The following CLDN2 variants were observed in gnomAD, a reference collection of about 807,000 sequenced individuals.
The protein encoded by CLDN2 is claudin 2, also known as claudin-2.
In CLDN2, 1 loss-of-function variant was observed where a neutral mutation model predicts 8.2. That is an observed-to-expected ratio of 0.12 (90% CI 0.04 to 0.58). The LOEUF (loss-of-function observed/expected upper bound fraction) is 0.58, where lower values mean the gene tolerates loss of function less well. CLDN2 is among the 20% of genes least tolerant of loss of function. The pLI, the probability that CLDN2 is intolerant of heterozygous loss-of-function variation, is 0.90. For synonymous variants in CLDN2, 70 were observed against 70.2 expected (o/e 1.00, Z 0.01); for missense variants, 108 against 172.9 (o/e 0.62, Z 2.11).
chrX:106,926,891 T>TCA (rs36178406), intron 1 of CLDN2, among the ~76,000 whole-genome samples: 159 of 10,276 alleles, frequency 0.015, 36 homozygotes, highest in African/African-American at 0.085. Flanking sequence ...GGCAGGAGGA[T>TCA]CACACACACA....
At chrX:106,927,038 A>G (rs1169258660) in intron 1 of CLDN2, among the ~76,000 whole-genome samples, 1 of 111,459 alleles carries the variant, frequency 9.0e-6, no homozygotes, top group Admixed American at 9.5e-5. Context: ...AGCCGAGATC[A>G]TGCCACTGCA....
intron 1 of CLDN2, chrX:106,902,078 A>T: frequency 1.0e-6 from 1 of 983,004 alleles, no homozygotes; most frequent in Admixed American, 2.6e-5. Context: ...CTGGGAAGTG[A>T]CCTGGTCACT....
At chrX:106,917,785 CT>C (rs1933332306), upstream of CLDN2, among the ~76,000 whole-genome samples, 1 of 111,258 alleles carries the variant, frequency 9.0e-6, no homozygotes, top group Non-Finnish European at 1.9e-5. Flanking sequence ...ACTCACTTGT[CT>C]CCTGAACTAA....
At position 106,903,119 on chromosome X, in the gene CLDN2, T is replaced by C. The variant is rs5962774; in HGVS notation, c.-179+2615T>C. 41,756 of 1,208,840 alleles carry C rather than the reference T, an allele frequency of 0.035. 8,856 individuals carry two copies. In the African/African-American group the frequency reaches 0.64, roughly 18 times the overall value. ...AGCCTAAGTTCAGGTTGCCAAAGGC[T>C]AAGCTCAACTTACCTTTCACTCCCA... On this transcript the variant is annotated intron_variant, in intron 1 of 1. Coordinates refer to the CLDN2 transcript ENST00000541806.
Position 106,928,566 on chromosome X carries a change from C to A in CLDN2, c.338C>A (p.Ala113Asp), listed in dbSNP as rs770621723. The A allele has an allele frequency of 8.3e-7, 1 of 1,211,657 alleles. No individual in the cohort carries two copies. The highest frequency in any genetic ancestry group is 1.1e-6 in the Non-Finnish European group (1 of 895,382). ...ACAGTCTTCTGCCAGGAATCCCGAG[C>A]CAAAGACAGAGTGGCGGTAGCAGGT... ...RCTVFCQESR[A>D]KDRVAVAGGV... Residue 113 changes from alanine (A) to aspartate (D), a missense_variant, in exon 2 of 2, where the codon GCC becomes GAC. Coordinates refer to ENST00000336803, the MANE Select transcript of CLDN2 (RefSeq NM_020384.4).
chrX:106,928,337 G>A lies in CLDN2; in HGVS notation c.109G>A (p.Gly37Ser), dbSNP rs766238256. 1.7e-6 allele frequency: 2 copies of A among 1,211,708 alleles called. No individual in the cohort carries two copies. Among genetic ancestry groups the A allele is most frequent in the Non-Finnish European group, 2.2e-6 (2 of 895,318 alleles). ...LPSWKTSSYV[G>S]ASIVTAVGFS... is the part of the protein sequence containing the mutation. ...CAGCTGGAAAACAAGTTCTTATGTCGGTGCCAGCATTGTGACAGCAGTTGG... is the reference window on the plus strand; with the variant it reads ...CAGCTGGAAAACAAGTTCTTATGTCAGTGCCAGCATTGTGACAGCAGTTGG... The change falls in exon 2 of 2, where the codon GGT becomes AGT. Residue 37 changes from glycine to serine, a missense_variant. By Grantham distance (56) the Gly-to-Ser change is moderately conservative (BLOSUM62 0). Around this residue, in one of 2 missense-constraint regions of CLDN2, gnomAD observed 27 missense variants for 72.2 expected, o/e 0.37. Transcript: ENST00000336803.
At chrX:106,900,571 C>A in intron 1 of CLDN2, 1 of 865,040 alleles carries the variant, frequency 1.2e-6, no homozygotes, top group East Asian at 3.6e-5. Flanking sequence ...ATCTGCTGGA[C>A]TAATACTTCC....
chrX:106,921,878 G>A (rs1045933199), intron 1 of CLDN2, among the ~76,000 whole-genome samples: 9 of 112,251 alleles, frequency 8.0e-5, no homozygotes, highest in African/African-American at 9.7e-5. Context: ...TACCTCCAAC[G>A]CAGCCAGTAC....
At chrX:106,916,103 A>G (rs959448599), upstream of CLDN2, among the ~76,000 whole-genome samples, 2 of 110,592 alleles carry the variant, frequency 1.8e-5, no homozygotes, top group Non-Finnish European at 3.8e-5. Context: ...CCCTTCAGGC[A>G]TTCACAGTCC....
At chrX:106,916,676 T>C (rs775780992), upstream of CLDN2, among the ~76,000 whole-genome samples, 1 of 110,912 alleles carries the variant, frequency 9.0e-6, no homozygotes, top group East Asian at 2.8e-4. Context: ...AACTCTGAGG[T>C]TTCTGGCTTA....
chrX:106,910,878 C>T (rs1394742844), intron 1 of CLDN2, among the ~76,000 whole-genome samples: 1 of 111,836 alleles, frequency 8.9e-6, no homozygotes. Flanking sequence ...GTGGAAAAAG[C>T]TTGGGCGCTA....
At position 106,908,574 on chromosome X, in the gene CLDN2, T is replaced by C. The variant is rs1248766448; in HGVS notation, c.-179+8070T>C. Among the ~76,000 whole-genome samples, 17 of 108,349 alleles carry C rather than the reference T, an allele frequency of 1.6e-4. 1 individual carries two copies. The highest frequency in any genetic ancestry group is 5.7e-4 in the African/African-American group (17 of 29,851). The allele number at this position is 108,349 out of a possible 115,157, so 94.1% of individuals were successfully genotyped here. ...TTTTCTTTCTTTTCTTTTCTTTTTT[T>C]TTTTTTTTGTTGTTGTTTTTTTTGT... is the stretch of plus-strand genomic sequence containing the variant. On this transcript the variant is annotated intron_variant, in intron 1 of 1. Transcript: ENST00000541806.
At chrX:106,919,817 G>A (rs1334947325), upstream of CLDN2, among the ~76,000 whole-genome samples, 2 of 112,675 alleles carry the variant, frequency 1.8e-5, no homozygotes, top group African/African-American at 3.2e-5. Flanking sequence ...AAATGACATA[G>A]TGCATGGCAC....
At chrX:106,919,824 GCACTGC>G (rs1321275440), upstream of CLDN2, among the ~76,000 whole-genome samples, 1 of 112,575 alleles carries the variant, frequency 8.9e-6, no homozygotes, top group Non-Finnish European at 1.9e-5. Flanking sequence ...ATAGTGCATG[GCACTGC>G]CATGTGTGGT....
chrX:106,917,619 T>C (rs1933329071), upstream of CLDN2, among the ~76,000 whole-genome samples: 1 of 110,998 alleles, frequency 9.0e-6, no homozygotes, highest in Non-Finnish European at 1.9e-5. Flanking sequence ...ACTCCTCTTT[T>C]CATAGCATCA....
chrX:106,900,369 G>A (rs772015984), exon 1 of CLDN2: 2 of 128,504 alleles, frequency 1.6e-5, no homozygotes, highest in Non-Finnish European at 3.1e-5. Flanking sequence ...CCTCCACAAG[G>A]GCATTCCCTG....
chrX:106,917,910 A>G (rs1236613629), upstream of CLDN2, among the ~76,000 whole-genome samples: 2 of 111,266 alleles, frequency 1.8e-5, no homozygotes, highest in Non-Finnish European at 3.8e-5. Flanking sequence ...GGATTACTAA[A>G]GAACCTCCTA....
At chrX:106,914,737 A>T (rs187557228), upstream of CLDN2, among the ~76,000 whole-genome samples, 1,944 of 112,187 alleles carry the variant, frequency 0.017, 43 homozygotes, top group African/African-American at 0.06. Context: ...AGTTTTAATT[A>T]TAAATATGTT....
At chrX:106,918,334 C>A (rs1423710262), upstream of CLDN2, 4 of 111,537 alleles carry the variant, frequency 3.6e-5, no homozygotes, top group Non-Finnish European at 7.5e-5. Flanking sequence ...TGCTTTCATG[C>A]CCAAAGACTC....
Sources: gnomAD v4.1 joint callset for allele counts (sites outside exome capture counted in the v4.1 genomes callset) on GRCh38, gnomAD v4.1.1 for gene constraint, gnomAD v4.1.1 regional missense constraint, MANE v1.5 for transcripts, NCBI Gene and HGNC (gene_info 2026-07-23, HGNC 2026-07-21) for gene names.